Variants in MACROD2 observed in about 807,000 individuals in gnomAD.
MACROD2 encodes the protein ADP-ribose glycohydrolase MACROD2.
A neutral mutation model predicts 70.4 loss-of-function variants in MACROD2; 36 were observed. The observed-to-expected ratio is 0.51, with a 90% CI of 0.39 to 0.68. MACROD2 has a LOEUF of 0.68. MACROD2 is among the 30% of genes least tolerant of loss of function. The pLI is 0.00. For missense variants in MACROD2, 496 were observed against 538.4 expected (o/e 0.92, Z 0.78); for synonymous variants, 172 against 178.8 (o/e 0.96, Z 0.30).
At chr20:14,484,883 A>G (rs1035931899) in intron 3 of MACROD2, among the ~76,000 whole-genome samples, 6 of 152,218 alleles carry the variant, frequency 3.9e-5, no homozygotes, top group Non-Finnish European at 7.3e-5. Context: ...GCTATTGTGA[A>G]TAGTGCTGCA....
chr20:15,325,934 T>G (rs1373751571), intron 6 of MACROD2, among the ~76,000 whole-genome samples: 1 of 152,182 alleles, frequency 6.6e-6, no homozygotes, highest in Non-Finnish European at 1.5e-5. Context: ...TGATGTCCCC[T>G]GTGACATTTT....
chr20:15,222,834 T>C (rs1006528628), intron 5 of MACROD2, among the ~76,000 whole-genome samples: 17 of 152,342 alleles, frequency 1.1e-4, no homozygotes, highest in Non-Finnish European at 1.6e-4. Context: ...CACAGAATGT[T>C]TTTGCTGCAT....
chr20:16,043,462 G>A, intron 16 of MACROD2, among the ~76,000 whole-genome samples: 1 of 152,000 alleles, frequency 6.6e-6, no homozygotes, highest in East Asian at 1.9e-4. Context: ...GATTTTCTCA[G>A]CTTATAATGT....
Position 14,119,504 on chromosome 20 carries a change from G to T in MACROD2, c.271+33776G>T, listed in dbSNP as rs535907033. ...TTTTTAACACCCATCCACATTATTG[G>T]TCACTGTTGGTGCTTCAAGTGTTTC... On this transcript the variant is annotated intron_variant, in intron 3 of 17. Transcript: ENST00000684519. 5.3e-4 allele frequency among the ~76,000 whole-genome samples: 80 copies of T among 152,058 alleles called. 1 individual carries two copies. Among genetic ancestry groups the T allele is most frequent in the African/African-American group, 1.8e-3 (76 of 41,482 alleles).
intron 3 of MACROD2, among the ~76,000 whole-genome samples, chr20:14,265,769 C>G (rs991338047): frequency 1.0e-4 from 15 of 143,302 alleles, no homozygotes; most frequent in East Asian, 2.1e-4. Context: ...CTGTTCCCCG[C>G]CTTGTCCTTT....
chr20:15,034,462 C>A (rs2075298039), intron 5 of MACROD2, among the ~76,000 whole-genome samples: 1 of 152,104 alleles, frequency 6.6e-6, no homozygotes, highest in African/African-American at 2.4e-5. Context: ...TCCCCCAGCC[C>A]CCTCAGTTTA....
intron 15 of MACROD2, among the ~76,000 whole-genome samples, chr20:16,022,862 A>G (rs972600559): frequency 6.6e-6 from 1 of 152,242 alleles, no homozygotes; most frequent in Non-Finnish European, 1.5e-5. Flanking sequence ...ACCGAATCAT[A>G]CATTGTGCAT....
chr20:15,004,217 A>G (rs1231643899), intron 5 of MACROD2, among the ~76,000 whole-genome samples: 2 of 152,228 alleles, frequency 1.3e-5, no homozygotes, highest in East Asian at 1.9e-4. Flanking sequence ...TTTATGCAGC[A>G]GGCAGTTACA....
intron 5 of MACROD2, among the ~76,000 whole-genome samples, chr20:14,687,798 G>T (rs140375599): frequency 7.1e-4 from 108 of 152,252 alleles, no homozygotes; most frequent in African/African-American, 2.4e-3. Context: ...TTGTGACTAG[G>T]TCTTGCTTCT....
intron 6 of MACROD2, among the ~76,000 whole-genome samples, chr20:15,336,949 G>A (rs1481562552): frequency 6.6e-6 from 1 of 151,660 alleles, no homozygotes; most frequent in African/African-American, 2.4e-5. Flanking sequence ...ATTTCCTTGA[G>A]TATGAGAATT....
At chr20:15,852,600 C>T (rs6079990) in intron 8 of MACROD2, among the ~76,000 whole-genome samples, 76,201 of 151,980 alleles carry the variant, frequency 0.5, 21,029 homozygotes, top group Middle Eastern at 0.63. Context: ...CAATGATATT[C>T]GGTGACATTT....
chr20:14,389,203 A>AT (rs1315179067), intron 3 of MACROD2, among the ~76,000 whole-genome samples: 1 of 151,670 alleles, frequency 6.6e-6, no homozygotes, highest in South Asian at 2.1e-4. Flanking sequence ...TATTATTATT[A>AT]TTTTTTTAAA....
chr20:14,342,084 G>C (rs1405731055), intron 3 of MACROD2, among the ~76,000 whole-genome samples: 1 of 152,166 alleles, frequency 6.6e-6, no homozygotes, highest in Admixed American at 6.5e-5. Flanking sequence ...TTGATCACAG[G>C]TTCATTCCCG....
chr20:15,883,624 A>G (rs2147205705), intron 9 of MACROD2, among the ~76,000 whole-genome samples: 1 of 152,152 alleles, frequency 6.6e-6, no homozygotes. Context: ...ATCAATTCTT[A>G]GAAGAGGGGC....
chr20:15,242,877 T>C (rs1252960358), intron 6 of MACROD2, among the ~76,000 whole-genome samples: 1 of 152,188 alleles, frequency 6.6e-6, no homozygotes, highest in Non-Finnish European at 1.5e-5. Flanking sequence ...GACGCTAATA[T>C]GGAAATGTTT....
intron 8 of MACROD2, among the ~76,000 whole-genome samples, chr20:15,693,002 G>A (rs1307044064): frequency 6.6e-6 from 1 of 152,042 alleles, no homozygotes; most frequent in African/African-American, 2.4e-5. Context: ...TCTCTCTCCT[G>A]CTCCACCATG....
At chr20:14,995,260 T>G (rs1026201672) in intron 5 of MACROD2, among the ~76,000 whole-genome samples, 1 of 152,154 alleles carries the variant, frequency 6.6e-6, no homozygotes, top group Non-Finnish European at 1.5e-5. Context: ...AAATAAAACT[T>G]GTAGAGAGAT....
chr20:15,141,266 A>C (rs1044145518), intron 5 of MACROD2, among the ~76,000 whole-genome samples: 1 of 152,114 alleles, frequency 6.6e-6, no homozygotes, highest in African/African-American at 2.4e-5. Flanking sequence ...TAGAATTTAC[A>C]TGCATTCAGG....
intron 3 of MACROD2, among the ~76,000 whole-genome samples, chr20:14,425,008 G>T (rs984406411): frequency 1.3e-5 from 2 of 152,016 alleles, no homozygotes; most frequent in Non-Finnish European, 2.9e-5. Context: ...TTTCTGTTCG[G>T]GTTCCAACCA....
Sources: gnomAD v4.1 joint callset for allele counts (sites outside exome capture counted in the v4.1 genomes callset) on GRCh38, gnomAD v4.1.1 for gene constraint, MANE v1.5 for transcripts, NCBI Gene and HGNC (gene_info 2026-07-23, HGNC 2026-07-21) for gene names.